The following HFM1 variants were observed in gnomAD, a reference collection of about 807,000 sequenced individuals.
HFM1 encodes the protein helicase for meiosis 1.
HFM1 carries 169 observed loss-of-function variants against 192.1 expected under a neutral mutation model. That is an observed-to-expected ratio of 0.88 (90% CI 0.78 to 1.00). The LOEUF (loss-of-function observed/expected upper bound fraction) is 1.00, where lower values mean the gene tolerates loss of function less well. Ranked by LOEUF, HFM1 falls within the 50% of genes least tolerant of loss-of-function variation. HFM1 has a pLI of 0.00. For synonymous variants in HFM1, 525 were observed against 537.8 expected (o/e 0.98, Z 0.33); for missense variants, 1,661 against 1,668.0 (o/e 1.00, Z 0.07).
At chr1:91,290,470 G>C (rs958054910) in intron 30 of HFM1, among the ~76,000 whole-genome samples, 1 of 152,150 alleles carries the variant, frequency 6.6e-6, no homozygotes, top group African/African-American at 2.4e-5. Flanking sequence ...TTAATCAATG[G>C]TAAAGGGACC....
At chr1:91,339,814 T>C (rs1655088049) in intron 20 of HFM1, among the ~76,000 whole-genome samples, 1 of 151,962 alleles carries the variant, frequency 6.6e-6, no homozygotes, top group African/African-American at 2.4e-5. Context: ...CCCAGTGAGA[T>C]ACTATATAGA....
chr1:91,307,464 T>A (rs1399482506), intron 30 of HFM1, among the ~76,000 whole-genome samples: 1 of 152,094 alleles, frequency 6.6e-6, no homozygotes, highest in Non-Finnish European at 1.5e-5. Context: ...ATTTTATTTT[T>A]TATTTTGAGA....
intron 20 of HFM1, among the ~76,000 whole-genome samples, chr1:91,341,852 A>C (rs978989092): frequency 1.3e-5 from 2 of 152,024 alleles, no homozygotes; most frequent in African/African-American, 4.8e-5. Flanking sequence ...AAATGGGGAG[A>C]TAGACTGCTG....
At position 91,355,412 on chromosome 1, in the gene HFM1, T is replaced by C. The variant is rs61798923; in HGVS notation, c.1686-2113A>G. On this transcript the variant is annotated intron_variant, in intron 13 of 38. Transcript: ENST00000370425. The stretch of plus-strand genomic sequence containing the variant: ...AATTAAATTCTCCAATCAAGACATA[T>C]AGTGTCTAAATTGATAGAAGAAAAA... 4.7e-3 allele frequency among the ~76,000 whole-genome samples: 699 copies of C among 149,914 alleles called. 2 individuals are homozygous for C. Among genetic ancestry groups the C allele is most frequent in the Admixed American group, 9.4e-3 (140 of 14,934 alleles).
intron 11 of HFM1, among the ~76,000 whole-genome samples, chr1:91,376,416 G>A (rs956214272): frequency 6.6e-6 from 1 of 151,934 alleles, no homozygotes; most frequent in Non-Finnish European, 1.5e-5. Context: ...GAGGGGAGCA[G>A]AAGGCCAAGA....
intron 13 of HFM1, among the ~76,000 whole-genome samples, chr1:91,375,000 A>G (rs1365173479): frequency 1.3e-5 from 2 of 152,098 alleles, no homozygotes; most frequent in Non-Finnish European, 2.9e-5. Context: ...AGAAATGATC[A>G]TGGAAGCACA....
chr1:91,264,427 C>T (rs1008473940), intron 36 of HFM1, among the ~76,000 whole-genome samples: 2 of 111,010 alleles, frequency 1.8e-5, no homozygotes, highest in African/African-American at 7.0e-5. Flanking sequence ...GGTGGAAGTG[C>T]AGTGGCGCAA....
In HFM1 at chr1:91,290,601, A is replaced by G. The variant is rs1445460095; in HGVS notation, c.3392-13539T>C. ...ACTTAGACTCCCACACATTAATAAT[A>G]GGAGACTTTAACACCCCACTGTCAA... is the stretch of plus-strand genomic sequence containing the variant. On this transcript the variant is annotated intron_variant, in intron 30 of 38. Transcript: ENST00000370425. Among the ~76,000 whole-genome samples, 4 of 152,264 alleles carry G rather than the reference A, an allele frequency of 2.6e-5. No individual in the cohort carries two copies. The East Asian group carries it at 5.8e-4, about 22-fold the overall frequency.
intron 20 of HFM1, among the ~76,000 whole-genome samples, chr1:91,334,007 T>C (rs574852934): frequency 6.6e-6 from 1 of 152,250 alleles, no homozygotes; most frequent in African/African-American, 2.4e-5. Context: ...CTACAAATAA[T>C]GGATCTTGAG....
rs2101241765 is a variant in HFM1 at position 91,319,281 on chromosome 1, C to A, written c.2680+12G>T. The A allele has an allele frequency of 1.2e-6, 2 of 1,606,084 alleles. No individual in the cohort carries two copies. The highest frequency in any genetic ancestry group is 1.7e-6 in the Non-Finnish European group (2 of 1,172,928). On this transcript the variant is annotated intron_variant, in intron 24 of 38. Transcript: ENST00000370425. The stretch of plus-strand genomic sequence containing the variant: ...GAAAAAATATTTAAAATCCACTAAT[C>A]CTGTAACATACATCTTGTAATTCGG...
At chr1:91,373,070 A>G (rs1660446497) in intron 13 of HFM1, among the ~76,000 whole-genome samples, 1 of 152,092 alleles carries the variant, frequency 6.6e-6, no homozygotes, top group South Asian at 2.1e-4. Flanking sequence ...GTGTCAAAAT[A>G]GTATCTAGAG....
intron 30 of HFM1, among the ~76,000 whole-genome samples, chr1:91,308,780 GAC>G (rs1237615448): frequency 1.3e-5 from 2 of 152,284 alleles, no homozygotes; most frequent in African/African-American, 4.8e-5. Context: ...TCATATGACA[GAC>G]ACTGTGTCTG....
intron 8 of HFM1, among the ~76,000 whole-genome samples, chr1:91,379,537 G>A (rs1661306257): frequency 6.6e-6 from 1 of 152,006 alleles, no homozygotes; most frequent in South Asian, 2.1e-4. Flanking sequence ...AATTTGTGCT[G>A]GGCCGCATTC....
At chr1:91,350,158 T>C (rs1441431689) in intron 18 of HFM1, among the ~76,000 whole-genome samples, 4 of 152,184 alleles carry the variant, frequency 2.6e-5, no homozygotes, top group Non-Finnish European at 5.9e-5. Flanking sequence ...AATTACTCTT[T>C]GAGATCTGAA....
Position 91,290,219 on chromosome 1 carries a change from A to G in HFM1, c.3392-13157T>C, listed in dbSNP as rs1438905662. ...ACAACAATATTAACTTTAAATGTAC[A>G]TGGACTAAATGCTCCAATTAAAAGA... On this transcript the variant is annotated intron_variant, in intron 30 of 38. Coordinates refer to ENST00000370425, the MANE Select transcript of HFM1 (RefSeq NM_001017975.6). Among the ~76,000 whole-genome samples, 5 of 152,360 alleles carry G rather than the reference A, an allele frequency of 3.3e-5. No homozygotes were observed. In the East Asian group the frequency reaches 9.6e-4, roughly 29 times the overall value.
Position 91,384,355 on chromosome 1 carries a change from A to T in HFM1, c.802+832T>A, listed in dbSNP as rs146759733. On this transcript the variant is annotated intron_variant, in intron 6 of 38. Transcript: ENST00000370425. ...AATAAGTGCACTATCATAGGCATAC[A>T]CAGGGTATTAAAGAAGCAAAAACAA... Among the ~76,000 whole-genome samples the T allele has an allele frequency of 1.7e-3, 257 of 152,320 alleles. 1 individual carries two copies. The highest frequency in any genetic ancestry group is 5.9e-3 in the African/African-American group (246 of 41,574).
intron 1 of HFM1, among the ~76,000 whole-genome samples, chr1:91,402,988 A>G (rs1207268319): frequency 1.3e-5 from 2 of 152,190 alleles, no homozygotes; most frequent in Non-Finnish European, 2.9e-5. Context: ...CTAGCATACA[A>G]GAATATAACT....
chr1:91,360,586 C>A (rs1382607608), intron 13 of HFM1, among the ~76,000 whole-genome samples: 1 of 152,142 alleles, frequency 6.6e-6, no homozygotes, highest in African/African-American at 2.4e-5. Flanking sequence ...GACTCCCAGA[C>A]AATAATACTG....
intron 18 of HFM1, among the ~76,000 whole-genome samples, chr1:91,349,494 C>T (rs796562437): frequency 2.1e-4 from 32 of 152,294 alleles, no homozygotes; most frequent in African/African-American, 7.5e-4. Context: ...GTCTCTCTCT[C>T]TCTTTCTCTC....
Sources: gnomAD v4.1 joint callset for allele counts (sites outside exome capture counted in the v4.1 genomes callset) on GRCh38, gnomAD v4.1.1 for gene constraint, MANE v1.5 for transcripts, NCBI Gene and HGNC (gene_info 2026-07-23, HGNC 2026-07-21) for gene names.